Variants in APPL2 observed in about 807,000 individuals in gnomAD.
APPL2 encodes the protein DCC-interacting protein 13-beta.
A neutral mutation model predicts 92.7 loss-of-function variants in APPL2; 84 were observed. That is an observed-to-expected ratio of 0.91 (90% CI 0.76 to 1.09). The LOEUF (loss-of-function observed/expected upper bound fraction) is 1.09. APPL2 is among the 50% of genes least tolerant of loss of function. APPL2 has a pLI of 0.00. For missense variants in APPL2, 736 were observed against 824.5 expected, an observed-to-expected ratio of 0.89 and a Z score of 1.31; for synonymous variants, 291 against 291.0, an observed-to-expected ratio of 1.00 and a Z score of 0.00.
chr12:105,232,981 C>G, intron 1 of APPL2: 1 of 665,250 alleles, frequency 1.5e-6, no homozygotes, highest in Non-Finnish European at 1.9e-6. Context: ...AGAACTACAT[C>G]TTTTATTTCT....
chr12:105,217,318 G>A (rs751718129), intron 3 of APPL2, among the ~76,000 whole-genome samples, 178 bp from the exon 4 acceptor site: 3 of 152,026 alleles, frequency 2.0e-5, no homozygotes, highest in Non-Finnish European at 4.4e-5. Flanking sequence ...CTGCCCCCAG[G>A]GTGCACTCAT....
chr12:105,192,064 A>G (rs545122378), intron 14 of APPL2, among the ~76,000 whole-genome samples: 167 of 105,762 alleles, frequency 1.6e-3, no homozygotes, highest in Non-Finnish European at 2.6e-3. Flanking sequence ...CAGGCCTCTC[A>G]TGCTTAACAT....
At chr12:105,208,313 A>G (rs1260837045) in intron 5 of APPL2, 114 bp from the exon 6 acceptor site, 4 of 1,277,700 alleles carry the variant, frequency 3.1e-6, no homozygotes, top group Non-Finnish European at 4.5e-6. Context: ...AAGCCCCTGC[A>G]CCCTCAGTCC....
Position 105,176,777 on chromosome 12 carries a change from A to AT in APPL2, c.1812+98dup, listed in dbSNP as rs1226322738. 4.1e-6 allele frequency: 6 copies of AT among 1,451,734 alleles called. No individual in the cohort carries two copies. The African/African-American group carries it at 8.5e-5, about 21-fold the overall frequency. The allele number at this position is 1,451,734 out of a possible 1,614,324, so 89.9% of individuals were successfully genotyped here. ...GAACTCCTGGATGGAGACATGCAGA[A>AT]TAATCAACTAAATATCCAAGGAAGT... On this transcript the variant is annotated intron_variant, in intron 19 of 20. Coordinates refer to ENST00000258530, the MANE Select transcript of APPL2 (RefSeq NM_018171.5).
chr12:105,200,868 C>G (rs1663574), intron 9 of APPL2, among the ~76,000 whole-genome samples: 47,800 of 103,128 alleles, frequency 0.46, 8,318 homozygotes, highest in Middle Eastern at 0.61. Context: ...ATGTATGTAT[C>G]TATCTATCTA....
chr12:105,235,800 C>A (rs1252357475), intron 1 of APPL2, among the ~76,000 whole-genome samples, 159 bp downstream of exon 1: 1 of 152,070 alleles, frequency 6.6e-6, no homozygotes, highest in African/African-American at 2.4e-5. Flanking sequence ...CCCGGCCCGC[C>A]CCCTCCTCAG....
At chr12:105,203,595 G>T in intron 9 of APPL2, 108 bp downstream of exon 9, 1 of 965,098 alleles carries the variant, frequency 1.0e-6, no homozygotes, top group Non-Finnish European at 1.6e-6. Flanking sequence ...GTGGACAGAG[G>T]CTCTGTGCGA....
chr12:105,197,174 C>G (rs1377773811), intron 11 of APPL2, among the ~76,000 whole-genome samples: 2 of 152,264 alleles, frequency 1.3e-5, no homozygotes, highest in Admixed American at 6.5e-5. Flanking sequence ...TAAAAACCAC[C>G]ACTCTGAGAG....
rs201745183 is a variant in APPL2, at chr12:105,236,027, C to G, written c.-15G>C. ...ACGGCGGGCATGGTGCGGCGCGGCT[C>G]AGCCGAGGGCTGGGTTGGAAGGACA... On this transcript the variant is annotated 5_prime_UTR_variant, in exon 1 of 21. Coordinates refer to ENST00000258530, the MANE Select transcript of APPL2 (RefSeq NM_018171.5). 1,058 of 1,242,760 alleles carry G rather than the reference C, an allele frequency of 8.5e-4. 5 individuals are homozygous for G. The African/African-American group carries it at 0.014, about 16-fold the overall frequency. 77.0% of individuals were successfully genotyped at this position (1,242,760 alleles called of 1,614,324 possible).
rs76989449 is a variant in APPL2, at chr12:105,202,285, G to A, written c.704+1418C>T. On this transcript the variant is annotated intron_variant, in intron 9 of 20. Coordinates refer to ENST00000258530, the MANE Select transcript of APPL2 (RefSeq NM_018171.5). ...GGCGCAGACCCTGACGTTAATGCCC[G>A]GGTTGTGGTTCTCTCAGGATGGCTG... Among the ~76,000 whole-genome samples the A allele has an allele frequency of 9.6e-3, 1,459 of 152,256 alleles. 24 individuals are homozygous for A. Among genetic ancestry groups the A allele is most frequent in the African/African-American group, 0.032 (1,334 of 41,524 alleles).
chr12:105,179,883 G>C (rs1885940662), intron 17 of APPL2, among the ~76,000 whole-genome samples: 1 of 152,314 alleles, frequency 6.6e-6, no homozygotes, highest in South Asian at 2.1e-4. Context: ...CCCTCTGTCA[G>C]ATGGATAGAT....
At chr12:105,205,359 T>C (rs1363937495) in intron 8 of APPL2, among the ~76,000 whole-genome samples, 1 of 152,220 alleles carries the variant, frequency 6.6e-6, no homozygotes, top group Non-Finnish European at 1.5e-5. Flanking sequence ...CTCTCAACAA[T>C]GATGCTCCTG....
chr12:105,208,341 G>GC (rs2136011248), intron 5 of APPL2, 142 bp from the exon 6 acceptor site: 2 of 992,534 alleles, frequency 2.0e-6, no homozygotes, highest in Admixed American at 4.6e-5. Context: ...TCACAGGCTG[G>GC]CCCAGAGGCT....
chr12:105,186,301 A>G (rs375754890), intron 17 of APPL2, among the ~76,000 whole-genome samples: 1 of 152,172 alleles, frequency 6.6e-6, no homozygotes, highest in African/African-American at 2.4e-5. Flanking sequence ...TTGGCACTCA[A>G]AAAGTTTCAG....
chr12:105,217,277 TGAAG>T, intron 3 of APPL2, 137 bp from the exon 4 acceptor site: 1 of 611,620 alleles, frequency 1.6e-6, no homozygotes, highest in Non-Finnish European at 2.9e-6. Flanking sequence ...AGTGTCTACC[TGAAG>T]AGGGAGTCAC....
At chr12:105,180,538 T>C (rs112445540) in intron 17 of APPL2, among the ~76,000 whole-genome samples, 8,808 of 152,246 alleles carry the variant, frequency 0.058, 817 homozygotes, top group African/African-American at 0.2. Flanking sequence ...TTGATGGGAA[T>C]AGCACTATTA....
At chr12:105,221,959 G>C (rs190371496) in intron 2 of APPL2, among the ~76,000 whole-genome samples, 1 of 152,370 alleles carries the variant, frequency 6.6e-6, no homozygotes, top group Admixed American at 6.5e-5. Flanking sequence ...CGGTGAATAT[G>C]AATGGAGAGG....
intron 2 of APPL2, among the ~76,000 whole-genome samples, chr12:105,221,294 T>C (rs1890084235): frequency 6.6e-6 from 1 of 152,218 alleles, no homozygotes; most frequent in African/African-American, 2.4e-5. Context: ...CCCTAAGTGC[T>C]TGATGTTGCT....
intron 4 of APPL2, among the ~76,000 whole-genome samples, chr12:105,213,915 G>A (rs2136033389): frequency 6.6e-6 from 1 of 152,280 alleles, no homozygotes. Context: ...GGCTGGGCGT[G>A]GTGGCTCACA....
Sources: allele counts gnomAD v4.1 joint callset (sites outside exome capture counted in the v4.1 genomes callset), GRCh38; gene constraint gnomAD v4.1.1; transcripts MANE v1.5; gene names NCBI Gene and HGNC (gene_info 2026-07-23, HGNC 2026-07-21).